The following POLRMT variants were observed in gnomAD, a reference collection of about 807,000 sequenced individuals.
POLRMT encodes DNA-directed RNA polymerase, mitochondrial.
Under a neutral mutation model 132.2 loss-of-function variants are expected in POLRMT, and 114 were observed. That is an observed-to-expected ratio of 0.86 (90% CI 0.74 to 1.01). POLRMT has a LOEUF of 1.01. Among genes scored for constraint, POLRMT ranks in the 50% least tolerant of loss-of-function variants. The pLI is 0.00. For synonymous variants in POLRMT, 1,020 were observed against 773.4 expected, an observed-to-expected ratio of 1.32 and a Z score of -5.29; for missense variants, 2,003 against 1,729.1, an observed-to-expected ratio of 1.16 and a Z score of -2.81.
intron 3 of POLRMT, among the ~76,000 whole-genome samples, chr19:628,743 G>A (rs1440443180): frequency 6.6e-6 from 1 of 152,140 alleles, no homozygotes; most frequent in Admixed American, 6.5e-5. Flanking sequence ...GGTGGCTCAC[G>A]CCTGTAATCT....
In POLRMT at chr19:622,384, G is replaced by A. The variant is rs768476502; in HGVS notation, c.1627-11C>T. The A allele has an allele frequency of 1.8e-4, 273 of 1,536,130 alleles. No homozygotes were observed. The highest frequency in any genetic ancestry group is 2.3e-4 in the Non-Finnish European group (259 of 1,140,382). On this transcript the variant is annotated splice_polypyrimidine_tract_variant and intron_variant, in intron 8 of 20. Coordinates refer to ENST00000588649, the MANE Select transcript of POLRMT (RefSeq NM_005035.4). ...GCAGGGCTCGGGCACCTGTAGGACAGGGCGGTCAGGGCGCTGGGCACCGGG... is the reference window on the plus strand; with the variant it reads ...GCAGGGCTCGGGCACCTGTAGGACAAGGCGGTCAGGGCGCTGGGCACCGGG...
intron 5 of POLRMT, among the ~76,000 whole-genome samples, chr19:624,296 C>T (rs975205008): frequency 2.0e-5 from 3 of 152,170 alleles, no homozygotes; most frequent in East Asian, 1.9e-4. Context: ...TGGGGAGTGA[C>T]GGGGATGGGG....
intron 5 of POLRMT, 34 bp downstream of exon 5, chr19:624,685 G>A (rs1262063863): frequency 1.9e-6 from 3 of 1,598,452 alleles, no homozygotes; most frequent in Admixed American, 1.7e-5. Context: ...GCAGCTATAA[G>A]GACTGAAGTC....
At chr19:623,725 T>C (rs1984813768) in intron 5 of POLRMT, 122 bp from the exon 6 acceptor site, 1 of 1,249,782 alleles carries the variant, frequency 8.0e-7, no homozygotes, top group South Asian at 1.4e-5. Flanking sequence ...TGGCTATCGC[T>C]GACGCGGGGA....
chr19:620,541 G>A (rs944677308), intron 10 of POLRMT, 54 bp from the exon 11 acceptor site: 2 of 1,472,564 alleles, frequency 1.4e-6, no homozygotes, highest in Admixed American at 2.5e-5. Flanking sequence ...CCCTGAGCCC[G>A]CTGGGAGGCT....
In POLRMT at chr19:629,557, G is replaced by T; in HGVS notation, c.805C>A (p.Leu269Ile). 1 of 1,531,934 alleles carries T rather than the reference G, an allele frequency of 6.5e-7. No homozygotes were observed. The highest frequency in any genetic ancestry group is 8.8e-7 in the Non-Finnish European group (1 of 1,138,644). The allele number at this position is 1,531,934 out of a possible 1,614,324, so 94.9% of individuals were successfully genotyped here. The change falls in exon 3 of 21, where the codon CTT becomes ATT. Residue 269 changes from leucine (L) to isoleucine (I), a missense_variant. Leu to Ile is a conservative substitution (Grantham distance 5, BLOSUM62 2). Transcript: ENST00000588649. ...GCACTCACCTGCCGCGCCCAGCCAA[G>T]CATCACGGCGTTGTACATGTCCAGC... The part of the protein sequence containing the change: ...LTLDMYNAVM[L>I]GWARQGAFKE...
At chr19:623,741 G>A (rs1984816210) in intron 5 of POLRMT, 138 bp from the exon 6 acceptor site, 8 of 1,080,820 alleles carry the variant, frequency 7.4e-6, no homozygotes, top group South Asian at 1.5e-5. Flanking sequence ...GGGGAAAGGC[G>A]GGCTGCGGGT....
Position 621,629 on chromosome 19 carries a change from G to A in POLRMT, c.2069C>T (p.Thr690Ile), listed in dbSNP as rs559530795. 30 of 1,528,144 alleles carry A rather than the reference G, an allele frequency of 2.0e-5. No homozygotes were observed. The African/African-American group carries it at 4.0e-4, about 20-fold the overall frequency. 94.7% of individuals were successfully genotyped at this position (1,528,144 alleles called of 1,614,324 possible). Residue 690 changes from threonine (T) to isoleucine (I), a missense_variant, in exon 10 of 21, where the codon ACC (threonine) becomes ATC (isoleucine). By Grantham distance (89) the Thr-to-Ile change is moderately conservative. Coordinates refer to ENST00000588649, the MANE Select transcript of POLRMT (RefSeq NM_005035.4). The stretch of plus-strand genomic sequence containing the variant: ...GGCGTCCAGTGCGCCATGCAGCGCG[G>A]TGGGCGGGCAGGTTTCCAGCAGCTC... ...HQELLETCPPTALHGALDALT... is the reference protein window; with the variant it reads ...HQELLETCPPIALHGALDALT...
rs564616191 is a variant in POLRMT, at chr19:629,913, C to T, written c.449G>A (p.Ser150Asn). The T allele has an allele frequency of 1.9e-6, 3 of 1,613,600 alleles. No individual in the cohort carries two copies. The highest frequency in any genetic ancestry group is 2.7e-5 in the African/African-American group (2 of 75,082). The change falls in exon 3 of 21, where the codon AGC becomes AAC. Residue 150 changes from serine to asparagine, a missense_variant. Ser to Asn is a conservative substitution (Grantham distance 46). Coordinates refer to ENST00000588649, the MANE Select transcript of POLRMT (RefSeq NM_005035.4). ...CCTGGTCAGCGCCTTGAACTCCCCG[C>T]TCTGGAATGGCATCTGCAGCTTCGC... is the stretch of plus-strand genomic sequence containing the variant. ...LKAKLQMPFQSGEFKALTRRL... is the reference protein window; with the variant it reads ...LKAKLQMPFQNGEFKALTRRL...
chr19:625,396 G>A (rs968839146), intron 3 of POLRMT, 142 bp from the exon 4 acceptor site: 46 of 1,101,336 alleles, frequency 4.2e-5, no homozygotes, highest in South Asian at 2.3e-4. Context: ...TGGGCAGACC[G>A]ATGCATCCCC....
In POLRMT at chr19:621,741, G is replaced by A; in HGVS notation, c.1957C>T (p.Leu653=). 1.2e-6 allele frequency: 2 copies of A among 1,600,542 alleles called. No homozygotes were observed. Among genetic ancestry groups the A allele is most frequent in the Non-Finnish European group, 1.7e-6 (2 of 1,179,300 alleles). Residue 653 remains leucine (L), a synonymous_variant, in exon 10 of 21, where the codon CTG becomes TTG. Coordinates refer to ENST00000588649, the MANE Select transcript of POLRMT (RefSeq NM_005035.4). ...AVDVPMLCPP[L]PWTSPHSGAF... is the part of the protein sequence containing the mutation. ...CCAGAGTGCGGCGATGTCCAGGGCA[G>A]CGGGGGGCAAAGCATGGGTACATCC... is the stretch of plus-strand genomic sequence containing the variant.
At position 624,733 on chromosome 19, in the gene POLRMT, CCCTGAG is replaced by C. The variant is rs1984893820; in HGVS notation, c.1120_1125del (p.Leu374_Arg375del). ...CGTGGGCTCACCTTGGCATACACGTCCCTGAGCAGCTTGGAGGTGTTGACCGGGGGC... is the reference window on the plus strand; with the variant it reads ...CGTGGGCTCACCTTGGCATACACGTCCAGCTTGGAGGTGTTGACCGGGGGC... On this transcript the variant is annotated inframe_deletion, in exon 5 of 21. Transcript: ENST00000588649. 6.2e-7 allele frequency: 1 copy of C among 1,613,496 alleles called. No individual in the cohort carries two copies. The highest frequency in any genetic ancestry group is 8.5e-7 in the Non-Finnish European group (1 of 1,179,900).
At chr19:631,981 G>A (rs1351256975) in intron 2 of POLRMT, among the ~76,000 whole-genome samples, 1 of 152,176 alleles carries the variant, frequency 6.6e-6, no homozygotes, top group Non-Finnish European at 1.5e-5. Context: ...CACCATGTTG[G>A]CCAGGCTGGT....
chr19:620,612 G>A (rs115896764), intron 10 of POLRMT, 125 bp from the exon 11 acceptor site: 28 of 1,215,620 alleles, frequency 2.3e-5, no homozygotes, highest in Admixed American at 3.1e-5. Flanking sequence ...AACACGGGAC[G>A]CATGTGGGCG....
At chr19:632,784 A>G (rs1985518152) in intron 2 of POLRMT, 50 bp downstream of exon 2, 1 of 1,443,346 alleles carries the variant, frequency 6.9e-7, no homozygotes, top group Non-Finnish European at 9.3e-7. Flanking sequence ...TTCTCCCGGC[A>G]GCAGGGAGCG....
At chr19:620,555 T>C (rs1984445264) in intron 10 of POLRMT, 68 bp from the exon 11 acceptor site, 101 of 1,453,556 alleles carry the variant, frequency 6.9e-5, no homozygotes, top group Middle Eastern at 1.8e-4. Flanking sequence ...GGAGGCTGTG[T>C]TGCGGGGAGG....
chr19:632,326 A>G (rs1225217348), intron 2 of POLRMT, among the ~76,000 whole-genome samples: 4 of 152,062 alleles, frequency 2.6e-5, no homozygotes, highest in Non-Finnish European at 5.9e-5. Context: ...CACCGGCGGG[A>G]AGCAAGCACA....
intron 3 of POLRMT, among the ~76,000 whole-genome samples, chr19:626,479 A>ATT (rs113783333): frequency 2.6e-3 from 354 of 136,660 alleles, no homozygotes; most frequent in African/African-American, 8.9e-3. Context: ...ATCCCCTGCA[A>ATT]TTTTTTTTTT....
chr19:620,100 C>A lies in POLRMT; in HGVS notation c.2764-20G>T, dbSNP rs1248762097. 2.6e-6 allele frequency: 4 copies of A among 1,535,724 alleles called. No homozygotes were observed. The East Asian group carries it at 7.3e-5, about 28-fold the overall frequency. Reference sequence around the variant, plus strand: ...GCCGTCCTGAGGAAGGGGCGGCAAACGGGAGATGGAAGCTAGAGAGGCAGA... The same window carrying A: ...GCCGTCCTGAGGAAGGGGCGGCAAAAGGGAGATGGAAGCTAGAGAGGCAGA... On this transcript the variant is annotated intron_variant, in intron 11 of 20. Transcript: ENST00000588649.
Sources: gnomAD v4.1 joint callset for allele counts (sites outside exome capture counted in the v4.1 genomes callset) on GRCh38, gnomAD v4.1.1 for gene constraint, MANE v1.5 for transcripts, NCBI Gene and HGNC (gene_info 2026-07-23, HGNC 2026-07-21) for gene names.